The following EFTUD2 variants were observed in gnomAD, a reference collection of about 807,000 sequenced individuals.
The protein encoded by EFTUD2 is 116 kDa U5 small nuclear ribonucleoprotein component.
EFTUD2 carries 9 observed loss-of-function variants against 114.3 expected under a neutral mutation model. That is an observed-to-expected ratio of 0.08 (90% CI 0.05 to 0.14). The LOEUF is 0.14. Among genes scored for constraint, EFTUD2 ranks in the 10% least tolerant of loss-of-function variants. The pLI, the probability that EFTUD2 is intolerant of heterozygous loss-of-function variation, is 1.00. For synonymous variants in EFTUD2, 449 were observed against 462.3 expected (o/e 0.97, Z 0.37); for missense variants, 765 against 1,241.2 (o/e 0.62, Z 5.76).
intron 26 of EFTUD2, 88 bp from the exon 27 acceptor site, chr17:44,851,905 C>A: frequency 8.7e-7 from 1 of 1,148,590 alleles, no homozygotes; most frequent in Non-Finnish European, 1.2e-6. Context: ...TTATTTTATT[C>A]CTAAATTTAT....
Position 44,851,026 on chromosome 17 carries a change from C to G in EFTUD2, c.*248G>C, listed in dbSNP as rs2050438301. 2.1e-6 allele frequency: 1 copy of G among 479,196 alleles called. No individual in the cohort carries two copies. The highest frequency in any genetic ancestry group is 3.8e-6 in the Non-Finnish European group (1 of 265,034). 29.7% of individuals were successfully genotyped at this position (479,196 alleles called of 1,614,324 possible). A position where few individuals can be genotyped will look rare whatever the true frequency, so the allele number is the denominator to read the frequency against. On this transcript the variant is annotated 3_prime_UTR_variant, in exon 28 of 28. Transcript: ENST00000426333. Reference sequence around the variant, plus strand: ...CTTGGGGTTTCATCCCCTTCTCTTTCTGTGAGCCCAAGCTCCTCTCTTTTC... The same window carrying G: ...CTTGGGGTTTCATCCCCTTCTCTTTGTGTGAGCCCAAGCTCCTCTCTTTTC...
intron 4 of EFTUD2, 183 bp from the exon 5 acceptor site, chr17:44,883,907 C>T (rs111555837): frequency 2.0e-5 from 12 of 610,794 alleles, no homozygotes; most frequent in African/African-American, 1.3e-4. Flanking sequence ...GAAACTTATC[C>T]AAGAGGTAAC....
chr17:44,852,371 T>G (rs761906080), intron 26 of EFTUD2, 38 bp downstream of exon 26: 18 of 1,608,502 alleles, frequency 1.1e-5, no homozygotes, highest in East Asian at 4.5e-5. Flanking sequence ...CTTGCAGAGG[T>G]GGGAAGCCAA....
intron 9 of EFTUD2, among the ~76,000 whole-genome samples, chr17:44,877,381 A>G (rs1436842135): frequency 6.6e-6 from 1 of 152,256 alleles, no homozygotes; most frequent in Non-Finnish European, 1.5e-5. Flanking sequence ...AATCTGGGAC[A>G]AGAGCACTAG....
At chr17:44,863,563 A>T in intron 15 of EFTUD2, 92 bp downstream of exon 15, 1 of 1,526,082 alleles carries the variant, frequency 6.6e-7, no homozygotes, top group South Asian at 1.3e-5. Flanking sequence ...CAAGGGTGGG[A>T]AAGTGGGCAT....
At chr17:44,855,846 G>T (rs748945890) in intron 20 of EFTUD2, among the ~76,000 whole-genome samples, 4 of 151,434 alleles carry the variant, frequency 2.6e-5, no homozygotes, top group Non-Finnish European at 5.9e-5. Context: ...TAGCTACTCG[G>T]GAGGCTGAGG....
At chr17:44,872,303 A>G in intron 11 of EFTUD2, 143 bp downstream of exon 11, 1 of 1,104,770 alleles carries the variant, frequency 9.1e-7, no homozygotes, top group Non-Finnish European at 1.3e-6. Flanking sequence ...AAGGCCACAA[A>G]GACCCCCAAA....
chr17:44,887,301 C>T (rs909302178), intron 2 of EFTUD2, among the ~76,000 whole-genome samples: 3 of 152,144 alleles, frequency 2.0e-5, no homozygotes, highest in African/African-American at 7.2e-5. Flanking sequence ...TATGACCCAG[C>T]AAGTCCACTC....
intron 18 of EFTUD2, chr17:44,859,638 T>G: frequency 1.9e-6 from 1 of 540,396 alleles, no homozygotes; most frequent in South Asian, 2.3e-5. Flanking sequence ...GGAACACAAA[T>G]ACGCACACAC....
At chr17:44,873,935 C>T (rs1237436144) in intron 10 of EFTUD2, among the ~76,000 whole-genome samples, 6 of 150,352 alleles carry the variant, frequency 4.0e-5, no homozygotes, top group East Asian at 3.9e-4. Flanking sequence ...GGGGTTTCAC[C>T]GTGTTAGCCA....
chr17:44,873,898 A>ATTTTTTTTTTTTTTTTTT (rs1054585104), intron 10 of EFTUD2, among the ~76,000 whole-genome samples: 1 of 149,338 alleles, frequency 6.7e-6, no homozygotes, highest in African/African-American at 2.5e-5. Context: ...AGCCCGGCTA[A>ATTTTTTTTTTTTTTTTTT]TTTTTTTTGT....
chr17:44,860,839 T>A (rs994641672), intron 16 of EFTUD2, among the ~76,000 whole-genome samples: 1 of 152,036 alleles, frequency 6.6e-6, no homozygotes, highest in Non-Finnish European at 1.5e-5. Flanking sequence ...GCTCAAGCAA[T>A]CCTCCTGCCT....
intron 1 of EFTUD2, among the ~76,000 whole-genome samples, chr17:44,894,794 A>C (rs963024565): frequency 6.6e-6 from 1 of 152,234 alleles, no homozygotes; most frequent in African/African-American, 2.4e-5. Flanking sequence ...AGAAGGAAGA[A>C]AGAAGACAGA....
chr17:44,875,858 A>G (rs1456680983), intron 10 of EFTUD2, 76 bp downstream of exon 10: 1 of 1,532,938 alleles, frequency 6.5e-7, no homozygotes, highest in Non-Finnish European at 8.9e-7. Flanking sequence ...AATAAATCAC[A>G]GTTGTTCCCA....
chr17:44,859,870 T>G (rs573813885), intron 18 of EFTUD2, 35 bp downstream of exon 18: 1 of 1,613,252 alleles, frequency 6.2e-7, no homozygotes, highest in South Asian at 1.1e-5. Context: ...CTGGGGATAG[T>G]GGGGCTTGGC....
intron 9 of EFTUD2, among the ~76,000 whole-genome samples, chr17:44,877,820 ACAAC>A (rs990581165): frequency 3.4e-5 from 3 of 89,194 alleles, no homozygotes; most frequent in African/African-American, 9.8e-5. Context: ...AAACAAAACA[ACAAC>A]AACAACAACA....
At chr17:44,886,869 T>A in intron 2 of EFTUD2, 119 bp from the exon 3 acceptor site, 2 of 1,469,996 alleles carry the variant, frequency 1.4e-6, no homozygotes, top group South Asian at 2.7e-5. Context: ...TATTCTGAGT[T>A]CTATGCCAGT....
rs150525237 is a variant in EFTUD2 at position 44,890,801 on chromosome 17, G to A, written c.105+3616C>T. On this transcript the variant is annotated intron_variant, in intron 2 of 27. Transcript: ENST00000426333. The stretch of plus-strand genomic sequence containing the variant: ...GTACAGCCATTTTAAAGGGCAATCT[G>A]ACAGTACTTAGTATAAACATATTAA... Among the ~76,000 whole-genome samples, 850 of 152,308 alleles carry A rather than the reference G, an allele frequency of 5.6e-3. 6 individuals carry two copies. Among genetic ancestry groups the A allele is most frequent in the Non-Finnish European group, 9.9e-3 (672 of 68,016 alleles).
Position 44,857,214 on chromosome 17 carries a change from C to T in EFTUD2, c.1963-57G>A, listed in dbSNP as rs73984102. 1.2e-3 allele frequency: 1,801 copies of T among 1,483,084 alleles called. 15 individuals are homozygous for T. In the African/African-American group the frequency reaches 0.022, roughly 18 times the overall value. The allele number at this position is 1,483,084 out of a possible 1,614,324, so 91.9% of individuals were successfully genotyped here. A position where few individuals can be genotyped will look rare whatever the true frequency, so the allele number is the denominator to read the frequency against. On this transcript the variant is annotated intron_variant, in intron 19 of 27. Coordinates refer to ENST00000426333, the MANE Select transcript of EFTUD2 (RefSeq NM_004247.4). ...GGTCTAATTTTGTTGGAAGGGCAAC[C>T]ATTTACCTAAGGGAATTCAGAAGCT...
Sources: gnomAD v4.1 joint callset for allele counts (sites outside exome capture counted in the v4.1 genomes callset) on GRCh38, gnomAD v4.1.1 for gene constraint, MANE v1.5 for transcripts, NCBI Gene and HGNC (gene_info 2026-07-23, HGNC 2026-07-21) for gene names.